The following PCDHGA2 variants were observed in gnomAD, a reference collection of about 807,000 sequenced individuals.
PCDHGA2 encodes protocadherin gamma-A2.
In PCDHGA2, 40 loss-of-function variants were observed where a neutral mutation model predicts 59.2. That is an observed-to-expected ratio of 0.68 (90% CI 0.52 to 0.88). The LOEUF is 0.88. Ranked by LOEUF, PCDHGA2 falls within the 40% of genes least tolerant of loss-of-function variation. PCDHGA2 has a pLI of 0.00. For synonymous variants in PCDHGA2, 560 were observed against 526.0 expected, an observed-to-expected ratio of 1.06 and a Z score of -0.89; for missense variants, 1,226 against 1,204.0, an observed-to-expected ratio of 1.02 and a Z score of -0.27.
At position 141,410,277 on chromosome 5, in the gene PCDHGA2, T is replaced by C. The variant is rs1461250700; in HGVS notation, c.2424+68882T>C. 2.5e-6 allele frequency: 4 copies of C among 1,614,014 alleles called. No homozygotes were observed. In the Admixed American group the frequency reaches 6.7e-5, roughly 27 times the overall value. ...CCCCAGGCTGAACTGCAGTTTTACC[T>C]GGTGGTGGCCTTGGCCTTAATCTCA... On this transcript the variant is annotated intron_variant, in intron 1 of 3. Transcript: ENST00000394576.
At chr5:141,455,128 T>C (rs2098813900) in intron 1 of PCDHGA2, among the ~76,000 whole-genome samples, 2 of 151,962 alleles carry the variant, frequency 1.3e-5, no homozygotes, top group Admixed American at 6.6e-5. Context: ...ATGTTTTAAA[T>C]TACACTGTGT....
chr5:141,384,524 T>C, intron 1 of PCDHGA2: 1 of 1,614,208 alleles, frequency 6.2e-7, no homozygotes. Context: ...GACCCGCCTC[T>C]CAGCAGCAAC....
rs747064148 is a variant in PCDHGA2, at chr5:141,395,059, T to C, written c.2424+53664T>C. 1 of 1,614,180 alleles carries C rather than the reference T, an allele frequency of 6.2e-7. No individual in the cohort carries two copies. The stretch of plus-strand genomic sequence containing the variant: ...GTGGGTGTTGAGGAGGTACAGGCTT[T>C]CCTGCAGACCTATTCCCAGGAAGTC... On this transcript the variant is annotated intron_variant, in intron 1 of 3. Transcript: ENST00000394576.
At chr5:141,372,885 A>G (rs1011969316) in intron 1 of PCDHGA2, 5 of 1,202,158 alleles carry the variant, frequency 4.2e-6, no homozygotes, top group Non-Finnish European at 4.5e-6. Flanking sequence ...AAAAGAATAC[A>G]GATTAAATAT....
rs1259021130 is a variant in PCDHGA2 at position 141,485,083 on chromosome 5, G to C, written c.2425-9724G>C. ...GCGCCAGAGCTGGCGCGGGGAAAGG[G>C]AGATAGGTGTCTCCAGCTGCTGTGG... On this transcript the variant is annotated intron_variant, in intron 1 of 3. Coordinates refer to ENST00000394576, the MANE Select transcript of PCDHGA2 (RefSeq NM_018915.4). The surrounding 1 kb of genome is among the most constrained non-coding windows in gnomAD (Gnocchi z 5.7). The C allele has an allele frequency of 1.0e-6, 1 of 989,386 alleles. No homozygotes were observed. The highest frequency in any genetic ancestry group is 1.6e-5 in the African/African-American group (1 of 61,992). 61.3% of individuals were successfully genotyped at this position (989,386 alleles called of 1,614,324 possible).
rs773763605 is a variant in PCDHGA2, at chr5:141,476,631, A to G, written c.2425-18176A>G. On this transcript the variant is annotated intron_variant, in intron 1 of 3. Transcript: ENST00000394576. The surrounding 1 kb of genome is among the most constrained non-coding windows in gnomAD (Gnocchi z 7.6). ...GTGGGAAGCAACTCTTTACAAACCT[A>G]TGAGCTGAGCCGAAATGAATACTTT... The G allele has an allele frequency of 2.5e-6, 4 of 1,614,224 alleles. No individual in the cohort carries two copies. Among genetic ancestry groups the G allele is most frequent in the Admixed American group, 1.7e-5 (1 of 60,032 alleles).
chr5:141,458,347 T>A (rs1351687231), intron 1 of PCDHGA2, among the ~76,000 whole-genome samples: 1 of 151,916 alleles, frequency 6.6e-6, no homozygotes, highest in Non-Finnish European at 1.5e-5. Flanking sequence ...AGTGGAGAGT[T>A]TAATAAGCAA....
At chr5:141,390,475 A>G (rs1355918266) in intron 1 of PCDHGA2, 1 of 686,634 alleles carries the variant, frequency 1.5e-6, no homozygotes, top group Admixed American at 3.0e-5. Context: ...TGTGTGGCCC[A>G]ACATTTGTTT....
intron 1 of PCDHGA2, chr5:141,355,056 T>C (rs1323351073): frequency 3.2e-6 from 4 of 1,231,780 alleles, no homozygotes; most frequent in Admixed American, 5.8e-5. Context: ...AAGCACTGGC[T>C]CTGGAGCTTT....
intron 1 of PCDHGA2, chr5:141,404,648 G>A (rs1178706213): frequency 6.2e-7 from 1 of 1,614,030 alleles, no homozygotes; most frequent in Non-Finnish European, 8.5e-7. Context: ...CCTGTACCCT[G>A]CCCTCCCCAC....
intron 1 of PCDHGA2, chr5:141,478,456 T>A (rs371773090): frequency 3.1e-6 from 5 of 1,613,366 alleles, no homozygotes; most frequent in African/African-American, 2.7e-5. Context: ...GTGCAGCCAG[T>A]CCACTGGCCA....
chr5:141,421,469 G>T (rs767500900), intron 1 of PCDHGA2: 1 of 1,614,122 alleles, frequency 6.2e-7, no homozygotes, highest in South Asian at 1.1e-5. Flanking sequence ...GTGAATCCGC[G>T]AAGCGGCAGC....
chr5:141,364,913 G>C, intron 1 of PCDHGA2: 5 of 1,613,990 alleles, frequency 3.1e-6, no homozygotes, highest in Non-Finnish European at 4.2e-6. Flanking sequence ...TCCGGAGCTG[G>C]TGTTGGAACA....
chr5:141,409,292 A>G, intron 1 of PCDHGA2: 1 of 1,614,012 alleles, frequency 6.2e-7, no homozygotes, highest in Admixed American at 1.7e-5. Flanking sequence ...ACCTCCAGGA[A>G]TGGTTGTTGC....
At chr5:141,413,956 G>C in intron 1 of PCDHGA2, 11 of 1,613,484 alleles carry the variant, frequency 6.8e-6, no homozygotes, top group Non-Finnish European at 9.3e-6. Context: ...GAATTTGCCT[G>C]TGGGCACTCA....
intron 1 of PCDHGA2, chr5:141,374,257 G>A (rs1770316361): frequency 6.8e-6 from 11 of 1,614,042 alleles, no homozygotes; most frequent in Non-Finnish European, 7.6e-6. Context: ...AGCCCCAGGA[G>A]TTGGCGGAGC....
chr5:141,438,625 TATATATATATACACAC>T (rs1232816129), intron 1 of PCDHGA2, among the ~76,000 whole-genome samples: 1,472 of 46,190 alleles, frequency 0.032, 16 homozygotes, highest in African/African-American at 0.13. Context: ...TATATATATA[TATATATATATACACAC>T]ACACACACAC....
intron 1 of PCDHGA2, chr5:141,421,720 G>T: frequency 6.2e-7 from 1 of 1,613,906 alleles, no homozygotes. Context: ...AGATGTGGGC[G>T]TGAACTCCCT....
At position 141,431,735 on chromosome 5, in the gene PCDHGA2, G is replaced by A. The variant is rs2097411908; in HGVS notation, c.2425-63072G>A. 1.2e-6 allele frequency: 2 copies of A among 1,614,118 alleles called. No homozygotes were observed. Among genetic ancestry groups the A allele is most frequent in the Non-Finnish European group, 1.7e-6 (2 of 1,180,056 alleles). On this transcript the variant is annotated intron_variant, in intron 1 of 3. Transcript: ENST00000394576. The surrounding 1 kb of genome is among the most constrained non-coding windows in gnomAD (Gnocchi z 4.8). ...GGAAGTGCAAGCAATGGATAATGCAGGATATTCTGCGCGAGCCAAAGTCCT... is the reference window on the plus strand; with the variant it reads ...GGAAGTGCAAGCAATGGATAATGCAAGATATTCTGCGCGAGCCAAAGTCCT...
Sources: allele counts gnomAD v4.1 joint callset (sites outside exome capture counted in the v4.1 genomes callset), GRCh38; gene constraint gnomAD v4.1.1; non-coding constraint Gnocchi (gnomAD v3.1); transcripts MANE v1.5; gene names NCBI Gene and HGNC (gene_info 2026-07-23, HGNC 2026-07-21).